The following SYT3 variants were observed in gnomAD, a reference collection of about 807,000 sequenced individuals.
The protein encoded by SYT3 is synaptotagmin-3.
Under a neutral mutation model 50.6 loss-of-function variants are expected in SYT3, and 25 were observed. That is an observed-to-expected ratio of 0.49 (90% CI 0.36 to 0.69). SYT3 has a LOEUF of 0.69. SYT3 is among the 30% of genes least tolerant of loss of function. SYT3 has a pLI of 0.00. For missense variants in SYT3, 589 were observed against 793.6 expected (o/e 0.74, Z 3.10); for synonymous variants, 323 against 353.9 (o/e 0.91, Z 0.98).
chr19:50,649,327 C>T, the SYT3 span: 3 of 974,520 alleles, frequency 3.1e-6, no homozygotes, highest in Non-Finnish European at 4.7e-6. Context: ...TAATTCTACC[C>T]CGGGGCTTCA....
the SYT3 span, among the ~76,000 whole-genome samples, chr19:50,651,796 C>T: frequency 1.3e-5 from 2 of 151,776 alleles, no homozygotes; most frequent in African/African-American, 4.8e-5. Flanking sequence ...AATTTAATTA[C>T]ACATATACAT....
chr19:50,648,259 T>C, the SYT3 span, among the ~76,000 whole-genome samples: 1 of 151,926 alleles, frequency 6.6e-6, no homozygotes, highest in African/African-American at 2.4e-5. Context: ...CCAGCAAAAG[T>C]CCAAAGGTTG....
At chr19:50,650,624 T>C in the SYT3 span, among the ~76,000 whole-genome samples, 1 of 151,988 alleles carries the variant, frequency 6.6e-6, no homozygotes, top group Non-Finnish European at 1.5e-5. Context: ...CGAGCCAAGA[T>C]TGTGCCACTG....
the SYT3 span, among the ~76,000 whole-genome samples, chr19:50,650,641 A>T: frequency 6.6e-6 from 1 of 152,360 alleles, no homozygotes; most frequent in South Asian, 2.1e-4. Context: ...ACTGCACTCC[A>T]GCCTGGGTGA....
At chr19:50,657,906 CAGGT>C in the SYT3 span, 17 of 1,430,680 alleles carry the variant, frequency 1.2e-5, no homozygotes, top group South Asian at 1.6e-4. Flanking sequence ...GCAGGTTCTG[CAGGT>C]GGGGTCTAGG....
chr19:50,625,632 C>A lies in SYT3; in HGVS notation c.1403-68G>T. On this transcript the variant is annotated intron_variant, in intron 7 of 10. Coordinates refer to ENST00000600079, the MANE Select transcript of SYT3 (RefSeq NM_001160329.2). The surrounding 1 kb of genome is among the most constrained non-coding windows in gnomAD (Gnocchi z 7.5). ...AGACCTAGGGGTCCAGGACCCCAGG[C>A]CCCGAGCCCCTCCTCCCTCAGACCC... 1 of 1,487,180 alleles carries A rather than the reference C, an allele frequency of 6.7e-7. No individual in the cohort carries two copies. Among genetic ancestry groups the A allele is most frequent in the Non-Finnish European group, 8.9e-7 (1 of 1,119,508 alleles). 92.1% of individuals were successfully genotyped at this position (1,487,180 alleles called of 1,614,324 possible). A position where few individuals can be genotyped will look rare whatever the true frequency, so the allele number is the denominator to read the frequency against.
At chr19:50,656,390 G>T in the SYT3 span, 1 of 1,506,848 alleles carries the variant, frequency 6.6e-7, no homozygotes, top group Non-Finnish European at 8.9e-7. Context: ...TTTTGGTGGG[G>T]TGATGGGAAG....
At chr19:50,652,650 G>A in the SYT3 span, among the ~76,000 whole-genome samples, 2 of 152,180 alleles carry the variant, frequency 1.3e-5, no homozygotes, top group Non-Finnish European at 2.9e-5. Context: ...TAAGACACTA[G>A]CACGGTCTGA....
At chr19:50,635,037 A>T (rs1013891278) in intron 3 of SYT3, among the ~76,000 whole-genome samples, 1 of 152,014 alleles carries the variant, frequency 6.6e-6, no homozygotes, top group Non-Finnish European at 1.5e-5. Context: ...CAGCCTCCCA[A>T]GTAGCTGGGA....
chr19:50,646,687 G>C, the SYT3 span, among the ~76,000 whole-genome samples: 14 of 152,218 alleles, frequency 9.2e-5, no homozygotes, highest in Admixed American at 9.2e-4. Flanking sequence ...GAGGGCACTT[G>C]AGCTTCTTAT....
chr19:50,637,497 G>T lies in SYT3; in HGVS notation c.-15-71C>A. ...TGGGAGTGCAGGGTGGGCAGGTGTG[G>T]AGATAAGGGTGGAAAGAGACACCGA... On this transcript the variant is annotated intron_variant, in intron 2 of 10. Coordinates refer to ENST00000600079, the MANE Select transcript of SYT3 (RefSeq NM_001160329.2). This position sits in a 1 kb window ranked among gnomAD's most constrained non-coding sequence, Gnocchi z 4.9. The T allele has an allele frequency of 7.2e-7, 1 of 1,388,106 alleles. No homozygotes were observed. The highest frequency in any genetic ancestry group is 2.3e-5 in the East Asian group (1 of 42,672). 86.0% of individuals were successfully genotyped at this position (1,388,106 alleles called of 1,614,324 possible).
At chr19:50,648,467 C>T in the SYT3 span, among the ~76,000 whole-genome samples, 1 of 152,138 alleles carries the variant, frequency 6.6e-6, no homozygotes, top group Non-Finnish European at 1.5e-5. Context: ...AACAAATAAG[C>T]GAAGGTCCAG....
chr19:50,627,651 C>T (rs1329877630), intron 6 of SYT3, among the ~76,000 whole-genome samples: 1 of 150,436 alleles, frequency 6.6e-6, no homozygotes, highest in African/African-American at 2.5e-5. Context: ...CACTTGAACC[C>T]GGGAGGTGGA....
At position 50,632,571 on chromosome 19, in the gene SYT3, G is replaced by GGGCCGCCCAGCAGAGGAT. The variant is rs754446383; in HGVS notation, c.371_388dup (p.His124_Gly129dup). ...GTGGGCGGCATGGGCATGGTGGTGT[G>GGGCCGCCCAGCAGAGGAT]GGCCGCCCAGCAGAGGATGGCCACC... On this transcript the variant is annotated inframe_insertion, in exon 4 of 11. Coordinates refer to ENST00000600079, the MANE Select transcript of SYT3 (RefSeq NM_001160329.2). The surrounding 1 kb of genome is among the most constrained non-coding windows in gnomAD (Gnocchi z 4.7). The GGGCCGCCCAGCAGAGGAT allele has an allele frequency of 6.3e-7, 1 of 1,590,880 alleles. No individual in the cohort carries two copies. Among genetic ancestry groups the GGGCCGCCCAGCAGAGGAT allele is most frequent in the Non-Finnish European group, 8.5e-7 (1 of 1,170,336 alleles).
At chr19:50,650,608 C>T in the SYT3 span, among the ~76,000 whole-genome samples, 12 of 152,092 alleles carry the variant, frequency 7.9e-5, no homozygotes, top group Non-Finnish European at 1.5e-4. Flanking sequence ...GAGGCAGAGG[C>T]TGCAGCGAGC....
the SYT3 span, among the ~76,000 whole-genome samples, chr19:50,647,695 G>A: frequency 2.0e-5 from 3 of 152,210 alleles, no homozygotes; most frequent in African/African-American, 7.2e-5. Context: ...AAGGAGGCTG[G>A]GGCAAGGGTC....
At chr19:50,626,053 CA>C in intron 6 of SYT3, 36 bp from the exon 7 acceptor site, 1 of 1,605,510 alleles carries the variant, frequency 6.2e-7, no homozygotes, top group Non-Finnish European at 8.5e-7. Flanking sequence ...TATCTTGCCT[CA>C]GCCCCTCTTC....
At chr19:50,645,212 T>C in the SYT3 span, among the ~76,000 whole-genome samples, 11 of 152,298 alleles carry the variant, frequency 7.2e-5, no homozygotes, top group Admixed American at 6.5e-4. Context: ...AAAACGCTGA[T>C]TCAGGGGTGT....
rs536363751 is a variant in SYT3 at position 50,624,026 on chromosome 19, G to A, written c.1707+1136C>T. Among the ~76,000 whole-genome samples the A allele has an allele frequency of 4.0e-5, 6 of 150,828 alleles. No individual in the cohort carries two copies. The East Asian group carries it at 1.2e-3, about 29-fold the overall frequency. ...TGCCCAGGCTGGAGTGTGGTGGTGAGATCATAGCTCACTGCAGTAACAAAC... is the reference window on the plus strand; with the variant it reads ...TGCCCAGGCTGGAGTGTGGTGGTGAAATCATAGCTCACTGCAGTAACAAAC... On this transcript the variant is annotated intron_variant, in intron 9 of 10. Coordinates refer to ENST00000600079, the MANE Select transcript of SYT3 (RefSeq NM_001160329.2).
Sources: allele counts gnomAD v4.1 joint callset (sites outside exome capture counted in the v4.1 genomes callset), GRCh38; gene constraint gnomAD v4.1.1; non-coding constraint Gnocchi (gnomAD v3.1); transcripts MANE v1.5; gene names NCBI Gene and HGNC (gene_info 2026-07-23, HGNC 2026-07-21).